SLC38A4: variants seen among roughly 807,000 people sequenced by gnomAD.
The protein encoded by SLC38A4 is sodium-coupled neutral amino acid transporter 4.
A neutral mutation model predicts 63.1 loss-of-function variants in SLC38A4; 20 were observed. The observed-to-expected ratio is 0.32, with a 90% CI of 0.22 to 0.46. The LOEUF (loss-of-function observed/expected upper bound fraction) is 0.46, where lower values mean the gene tolerates loss of function less well. Among genes scored for constraint, SLC38A4 ranks in the 20% least tolerant of loss-of-function variants. SLC38A4 has a pLI of 1.00. For synonymous variants in SLC38A4, 230 were observed against 225.5 expected, an observed-to-expected ratio of 1.02 and a Z score of -0.18; for missense variants, 526 against 663.6, an observed-to-expected ratio of 0.79 and a Z score of 2.28.
chr12:46,788,686 T>A, intron 3 of SLC38A4, 68 bp from the exon 4 acceptor site: 4 of 1,356,900 alleles, frequency 2.9e-6, no homozygotes, highest in Non-Finnish European at 3.1e-6. Context: ...CATATGTATG[T>A]TTCAGGTGAT....
At chr12:46,805,794 G>A (rs891423693) in intron 1 of SLC38A4, among the ~76,000 whole-genome samples, 3 of 151,884 alleles carry the variant, frequency 2.0e-5, no homozygotes, top group Non-Finnish European at 4.4e-5. Context: ...AGCAAGTCTG[G>A]GAATGAGATG....
chr12:46,791,313 G>A (rs781330735), intron 3 of SLC38A4, among the ~76,000 whole-genome samples: 2 of 152,184 alleles, frequency 1.3e-5, no homozygotes, highest in Non-Finnish European at 2.9e-5. Context: ...AGGACAAACA[G>A]CTTCTCTAAA....
At chr12:46,824,196 C>G (rs963401141) in intron 1 of SLC38A4, 1 of 152,156 alleles carries the variant, frequency 6.6e-6, no homozygotes, top group Non-Finnish European at 1.5e-5. Context: ...TGTTTTGATT[C>G]ATTTCAAGAA....
intron 1 of SLC38A4, among the ~76,000 whole-genome samples, chr12:46,825,513 C>G (rs559588831): frequency 3.3e-5 from 5 of 152,270 alleles, no homozygotes; most frequent in African/African-American, 4.8e-5. Flanking sequence ...TAAAATAGCT[C>G]TGTTTTCCAG....
At chr12:46,798,578 T>C (rs1939064052) in intron 2 of SLC38A4, among the ~76,000 whole-genome samples, 1 of 152,174 alleles carries the variant, frequency 6.6e-6, no homozygotes, top group African/African-American at 2.4e-5. Flanking sequence ...CTGCTGTAAG[T>C]ATACATGTCT....
intron 1 of SLC38A4, among the ~76,000 whole-genome samples, chr12:46,825,616 A>G (rs1939634159): frequency 6.6e-6 from 1 of 152,178 alleles, no homozygotes; most frequent in Non-Finnish European, 1.5e-5. Flanking sequence ...AATAGAGGTC[A>G]GTTTGGTCAT....
chr12:46,768,417 C>A lies in SLC38A4; in HGVS notation c.1445-10G>T. 2 of 1,602,222 alleles carry A rather than the reference C, an allele frequency of 1.2e-6. No individual in the cohort carries two copies. Among genetic ancestry groups the A allele is most frequent in the Non-Finnish European group, 1.7e-6 (2 of 1,172,208 alleles). On this transcript the variant is annotated splice_polypyrimidine_tract_variant and intron_variant, in intron 15 of 16. Transcript: ENST00000266579. ...GTGGCAGAAGAAGCCCCTGAGAAGA[C>A]AAACACAGGGCAAGGTCAATGTCTT...
In SLC38A4 at chr12:46,798,629, T is replaced by C. The variant is rs896053138; in HGVS notation, c.-113+4974A>G. On this transcript the variant is annotated intron_variant, in intron 2 of 16. Transcript: ENST00000266579. Reference sequence around the variant, plus strand: ...CAGTTAAAGTCTGTTCTACTTTGTATATTAATAGGAACCTCATTCATTTCA... The same window carrying C: ...CAGTTAAAGTCTGTTCTACTTTGTACATTAATAGGAACCTCATTCATTTCA... Among the ~76,000 whole-genome samples, 6 of 152,180 alleles carry C rather than the reference T, an allele frequency of 3.9e-5. 1 individual carries two copies. Among genetic ancestry groups the C allele is most frequent in the Non-Finnish European group, 1.5e-5 (1 of 68,028 alleles).
In SLC38A4 at chr12:46,792,935, T is replaced by C; in HGVS notation, c.119+18A>G. On this transcript the variant is annotated intron_variant, in intron 3 of 16. Transcript: ENST00000266579. Reference sequence around the variant, plus strand: ...TGTCTTATTTTTCCATGGAACATAGTAATTTTTAACCCCATACCTGCTCAT... The same window carrying C: ...TGTCTTATTTTTCCATGGAACATAGCAATTTTTAACCCCATACCTGCTCAT... The C allele has an allele frequency of 6.4e-7, 1 of 1,570,352 alleles. No homozygotes were observed. Among genetic ancestry groups the C allele is most frequent in the Non-Finnish European group, 8.8e-7 (1 of 1,140,604 alleles).
chr12:46,819,956 T>C (rs1939508580), intron 1 of SLC38A4, among the ~76,000 whole-genome samples: 1 of 151,910 alleles, frequency 6.6e-6, no homozygotes, highest in Non-Finnish European at 1.5e-5. Context: ...CTCTGAAACA[T>C]TGAAAAGTTA....
intron 2 of SLC38A4, among the ~76,000 whole-genome samples, chr12:46,797,431 C>T (rs1249916245): frequency 2.0e-5 from 3 of 152,068 alleles, no homozygotes; most frequent in Non-Finnish European, 4.4e-5. Context: ...CTTCTCCTGC[C>T]CTTGAACATT....
chr12:46,784,247 T>C (rs1938711607), intron 7 of SLC38A4, among the ~76,000 whole-genome samples: 1 of 152,118 alleles, frequency 6.6e-6, no homozygotes, highest in South Asian at 2.1e-4. Flanking sequence ...TTCTTCAATT[T>C]TTAAGAGTAA....
rs769163925 is a variant in SLC38A4, at chr12:46,778,324, G to A, written c.1038C>T (p.His346=). ...CACTGTAGATGGGAAGGACCTCAGG[G>A]TGGCATACAAAAGCAAATACTAGGA... ...IPILVFAFVC[H]PEVLPIYSEL... is the part of the protein sequence containing the mutation. Residue 346 remains histidine, a synonymous_variant, in exon 12 of 17, where the codon CAC becomes CAT. Transcript: ENST00000266579. The A allele has an allele frequency of 1.9e-6, 3 of 1,612,554 alleles. No homozygotes were observed. Among genetic ancestry groups the A allele is most frequent in the Non-Finnish European group, 8.5e-7 (1 of 1,179,168 alleles).
At chr12:46,771,317 T>C (rs1382417898) in intron 14 of SLC38A4, among the ~76,000 whole-genome samples, 1 of 152,098 alleles carries the variant, frequency 6.6e-6, no homozygotes, top group African/African-American at 2.4e-5. Context: ...TTCACAGTGT[T>C]AAACAGAATA....
At chr12:46,809,879 TTG>T (rs896111201) in intron 1 of SLC38A4, among the ~76,000 whole-genome samples, 6 of 152,008 alleles carry the variant, frequency 3.9e-5, no homozygotes, top group East Asian at 2.0e-4. Context: ...TTCTCCTTTT[TTG>T]TTTACCTTGA....
chr12:46,785,364 G>GA (rs767744719), intron 5 of SLC38A4, among the ~76,000 whole-genome samples, 187 bp from the exon 6 acceptor site: 4 of 148,290 alleles, frequency 2.7e-5, no homozygotes, highest in Non-Finnish European at 4.5e-5. Context: ...CGTAGAAATA[G>GA]AATTTGCTAT....
At chr12:46,773,563 A>T (rs550108625) in intron 14 of SLC38A4, among the ~76,000 whole-genome samples, 10 of 152,166 alleles carry the variant, frequency 6.6e-5, no homozygotes, top group African/African-American at 7.2e-5. Context: ...GCTGTTCCTG[A>T]TGGTCAGATT....
chr12:46,830,062 C>G (rs1044306762), upstream of SLC38A4, among the ~76,000 whole-genome samples: 1 of 133,468 alleles, frequency 7.5e-6, no homozygotes, highest in Admixed American at 7.3e-5. Context: ...TGCCTCCTGT[C>G]CCAGCAGCCT....
chr12:46,766,881 G>A (rs1938312201), intron 16 of SLC38A4, 79 bp from the exon 17 acceptor site: 1 of 922,976 alleles, frequency 1.1e-6, no homozygotes, highest in Non-Finnish European at 1.7e-6. Flanking sequence ...TACATAATAT[G>A]GCAATCTGAT....
Sources: allele counts gnomAD v4.1 joint callset (sites outside exome capture counted in the v4.1 genomes callset), GRCh38; gene constraint gnomAD v4.1.1; transcripts MANE v1.5; gene names NCBI Gene and HGNC (gene_info 2026-07-23, HGNC 2026-07-21).